SNTG2: variants seen among roughly 807,000 people sequenced by gnomAD.
SNTG2 encodes the protein gamma-2-syntrophin.
In SNTG2, 74 loss-of-function variants were observed where a neutral mutation model predicts 70.9. The observed-to-expected ratio is 1.04, with a 90% CI of 0.86 to 1.27. The LOEUF is 1.27. Ranked by LOEUF, SNTG2 falls within the 50% of genes most tolerant of loss-of-function variation. The pLI is 0.00. For synonymous variants in SNTG2, 278 were observed against 273.8 expected (o/e 1.02, Z -0.15); for missense variants, 717 against 690.7 (o/e 1.04, Z -0.43).
At position 1,250,769 on chromosome 2, in the gene SNTG2, T is replaced by G. The variant is rs76813579; in HGVS notation, c.1005+3326T>G. Among the ~76,000 whole-genome samples, 756 of 152,282 alleles carry G rather than the reference T, an allele frequency of 5.0e-3. 8 individuals carry two copies. The highest frequency in any genetic ancestry group is 0.017 in the African/African-American group (715 of 41,552). ...TGTCTCTCCTTCTCTGCCCACTCTT[T>G]GCTCTTCTCGAGGTCTCTTCCTTTA... On this transcript the variant is annotated intron_variant, in intron 12 of 16. Coordinates refer to ENST00000308624, the MANE Select transcript of SNTG2 (RefSeq NM_018968.4).
intron 8 of SNTG2, among the ~76,000 whole-genome samples, chr2:1,202,837 A>G (rs938859291): frequency 5.3e-5 from 8 of 152,194 alleles, no homozygotes; most frequent in Non-Finnish European, 1.2e-4. Flanking sequence ...ATTATGATTT[A>G]AAAATAATAT....
chr2:1,279,069 GCGCGAA>G (rs1163325923), intron 14 of SNTG2, among the ~76,000 whole-genome samples: 3 of 82,252 alleles, frequency 3.6e-5, no homozygotes, highest in East Asian at 1.7e-3. Flanking sequence ...CTCTGTCAGT[GCGCGAA>G]TGACCCCTCT....
chr2:1,042,553 G>C (rs1051588549), intron 1 of SNTG2, among the ~76,000 whole-genome samples: 6 of 152,098 alleles, frequency 3.9e-5, no homozygotes, highest in African/African-American at 1.4e-4. Flanking sequence ...ACCCATGTCT[G>C]TTGTTCCCTT....
intron 1 of SNTG2, among the ~76,000 whole-genome samples, chr2:1,058,215 A>G (rs1049246315): frequency 6.8e-6 from 1 of 147,684 alleles, no homozygotes; most frequent in African/African-American, 2.6e-5. Context: ...CAGTTTTTTG[A>G]AAAAAAAAGA....
At chr2:1,046,396 A>T (rs1224011055) in intron 1 of SNTG2, among the ~76,000 whole-genome samples, 1 of 152,124 alleles carries the variant, frequency 6.6e-6, no homozygotes, top group Non-Finnish European at 1.5e-5. Context: ...CGATCCTGTC[A>T]TCGTGTTATT....
At chr2:997,624 C>T (rs1661731436) in intron 1 of SNTG2, among the ~76,000 whole-genome samples, 1 of 152,090 alleles carries the variant, frequency 6.6e-6, no homozygotes, top group Non-Finnish European at 1.5e-5. Context: ...TGAGACCTCC[C>T]CATCACTCAC....
At chr2:1,148,839 A>AGG (rs761316949) in intron 6 of SNTG2, among the ~76,000 whole-genome samples, 8,783 of 127,682 alleles carry the variant, frequency 0.069, 338 homozygotes, top group African/African-American at 0.12. Flanking sequence ...GGAAGGGAGG[A>AGG]GGCGCCTTCC....
intron 2 of SNTG2, among the ~76,000 whole-genome samples, chr2:1,089,834 A>T (rs928747273): frequency 1.3e-5 from 2 of 152,208 alleles, no homozygotes; most frequent in African/African-American, 4.8e-5. Flanking sequence ...AAAAAAATTG[A>T]AGTGAGCAAA....
chr2:1,325,804 G>T (rs553722432), intron 16 of SNTG2, among the ~76,000 whole-genome samples: 63 of 152,150 alleles, frequency 4.1e-4, no homozygotes, highest in African/African-American at 1.5e-3. Flanking sequence ...ACGTAGTCAG[G>T]ATTATCACTG....
At chr2:1,203,393 C>T (rs1020004894) in intron 8 of SNTG2, among the ~76,000 whole-genome samples, 4 of 151,890 alleles carry the variant, frequency 2.6e-5, no homozygotes, top group Admixed American at 2.6e-4. Context: ...CACAGTGGCT[C>T]ACACTTGTAA....
intron 9 of SNTG2, among the ~76,000 whole-genome samples, chr2:1,219,099 C>T (rs1674584301): frequency 6.6e-6 from 1 of 152,076 alleles, no homozygotes; most frequent in African/African-American, 2.4e-5. Flanking sequence ...AGCACCCAAC[C>T]CCTCGGTACT....
chr2:1,135,115 C>T (rs563312924), intron 4 of SNTG2, among the ~76,000 whole-genome samples: 31 of 152,272 alleles, frequency 2.0e-4, no homozygotes, highest in Middle Eastern at 3.4e-3. Context: ...TGTCTGGAGG[C>T]GGCTTCTGAC....
At chr2:1,120,896 G>T (rs541756914) in intron 4 of SNTG2, among the ~76,000 whole-genome samples, 2 of 151,822 alleles carry the variant, frequency 1.3e-5, no homozygotes, top group African/African-American at 2.4e-5. Context: ...TGCACTTTGG[G>T]CCAAAAAGAC....
At chr2:1,261,441 C>T (rs957140733) in intron 13 of SNTG2, among the ~76,000 whole-genome samples, 3 of 152,070 alleles carry the variant, frequency 2.0e-5, no homozygotes, top group South Asian at 4.1e-4. Context: ...TTCTCTGATA[C>T]CTTCTAAAAA....
intron 14 of SNTG2, among the ~76,000 whole-genome samples, chr2:1,279,134 G>A (rs1412909635): frequency 6.6e-6 from 1 of 151,934 alleles, no homozygotes; most frequent in Non-Finnish European, 1.5e-5. Context: ...CCGTCAGTGC[G>A]CGAATCACCC....
intron 1 of SNTG2, among the ~76,000 whole-genome samples, chr2:984,711 G>A (rs1016419322): frequency 2.6e-5 from 4 of 152,160 alleles, no homozygotes; most frequent in African/African-American, 7.2e-5. Context: ...CCTTAGCTCC[G>A]TGACTCAGGA....
At chr2:1,175,924 G>A in intron 8 of SNTG2, among the ~76,000 whole-genome samples, 1 of 152,186 alleles carries the variant, frequency 6.6e-6, no homozygotes, top group East Asian at 1.9e-4. Flanking sequence ...TTGAAGGGAG[G>A]CTGCCTGGTT....
chr2:1,262,793 G>A lies in SNTG2; in HGVS notation c.1077+3352G>A, dbSNP rs113355081. Reference sequence around the variant, plus strand: ...AAGGCTCCGTGCAGACGAGGTAACCGGAAGGCTCGGTCCAGACGACGAAAC... The same window carrying A: ...AAGGCTCCGTGCAGACGAGGTAACCAGAAGGCTCGGTCCAGACGACGAAAC... On this transcript the variant is annotated intron_variant, in intron 13 of 16. Transcript: ENST00000308624. The A allele has an allele frequency of 1.9e-3, 214 of 114,712 alleles. 2 individuals carry two copies. The highest frequency in any genetic ancestry group is 9.4e-3 in the African/African-American group (200 of 21,390). The allele number at this position is 114,712 out of a possible 1,614,324, so 7.1% of individuals were successfully genotyped here.
Position 1,259,364 on chromosome 2 carries a change from T to C in SNTG2, c.1006-6T>C, listed in dbSNP as rs1678293448. On this transcript the variant is annotated splice_region_variant and splice_polypyrimidine_tract_variant and intron_variant, in intron 12 of 16. Transcript: ENST00000308624. ...CTTTTCATGGAACGTTCTCTGTTTC[T>C]TGCAGGTGAGCACATTCGATTGGGT... 1 of 1,613,830 alleles carries C rather than the reference T, an allele frequency of 6.2e-7. No homozygotes were observed. Among genetic ancestry groups the C allele is most frequent in the Non-Finnish European group, 8.5e-7 (1 of 1,179,796 alleles).
Sources: allele counts gnomAD v4.1 joint callset (sites outside exome capture counted in the v4.1 genomes callset), GRCh38; gene constraint gnomAD v4.1.1; transcripts MANE v1.5; gene names NCBI Gene and HGNC (gene_info 2026-07-23, HGNC 2026-07-21).